Variants in RGS20 observed in about 807,000 individuals in gnomAD.
RGS20 encodes the protein gz-selective GTPase-activating protein.
In RGS20, 30 loss-of-function variants were observed where a neutral mutation model predicts 33.6. The observed-to-expected ratio is 0.89, with a 90% CI of 0.67 to 1.21. The LOEUF is 1.21. Ranked by LOEUF, RGS20 falls within the 50% of genes most tolerant of loss-of-function variation. RGS20 has a pLI of 0.00. For missense variants in RGS20, 472 were observed against 502.4 expected (o/e 0.94, Z 0.58); for synonymous variants, 208 against 197.9 (o/e 1.05, Z -0.43).
intron 1 of RGS20, among the ~76,000 whole-genome samples, chr8:53,870,114 T>C (rs1039703821): frequency 6.6e-6 from 1 of 152,180 alleles, no homozygotes; most frequent in Non-Finnish European, 1.5e-5. Flanking sequence ...ATATAAAGAA[T>C]AAAATATATA....
At chr8:53,927,748 A>G (rs1813845921) in intron 2 of RGS20, among the ~76,000 whole-genome samples, 1 of 152,186 alleles carries the variant, frequency 6.6e-6, no homozygotes, top group Non-Finnish European at 1.5e-5. Context: ...GTTATTTAGA[A>G]AGGACAAATG....
At chr8:53,885,803 T>C (rs1281208387) in intron 2 of RGS20, among the ~76,000 whole-genome samples, 1 of 150,432 alleles carries the variant, frequency 6.6e-6, no homozygotes, top group African/African-American at 2.5e-5. Flanking sequence ...TTTTTTTTTT[T>C]TTTTTTTTTG....
chr8:53,914,448 T>C (rs1296916090), intron 2 of RGS20, among the ~76,000 whole-genome samples: 1 of 152,230 alleles, frequency 6.6e-6, no homozygotes, highest in African/African-American at 2.4e-5. Flanking sequence ...TTCATGTCCC[T>C]GCCCCCAAAC....
At chr8:53,939,004 T>C (rs1234721147) in intron 2 of RGS20, among the ~76,000 whole-genome samples, 1 of 152,274 alleles carries the variant, frequency 6.6e-6, no homozygotes, top group East Asian at 1.9e-4. Flanking sequence ...TCTGAATGCT[T>C]CCACGTCCCA....
intron 1 of RGS20, among the ~76,000 whole-genome samples, chr8:53,878,811 A>G (rs908530747): frequency 6.6e-6 from 1 of 152,208 alleles, no homozygotes; most frequent in Non-Finnish European, 1.5e-5. Context: ...AGGGGGAACA[A>G]GGGAAGACCA....
intron 1 of RGS20, among the ~76,000 whole-genome samples, chr8:53,863,526 G>T (rs941119339): frequency 6.6e-6 from 1 of 152,138 alleles, no homozygotes; most frequent in African/African-American, 2.4e-5. Context: ...AGGCTCAGTT[G>T]TAACTAACTG....
At chr8:53,916,927 C>G (rs1813499466) in intron 2 of RGS20, among the ~76,000 whole-genome samples, 1 of 152,098 alleles carries the variant, frequency 6.6e-6, no homozygotes, top group Non-Finnish European at 1.5e-5. Flanking sequence ...TCTGTGAAGC[C>G]TCTTTCATAA....
intron 1 of RGS20, among the ~76,000 whole-genome samples, chr8:53,867,614 C>T (rs6997050): frequency 0.12 from 18,179 of 152,022 alleles, 2,271 homozygotes; most frequent in East Asian, 0.32. Flanking sequence ...GTATCTAAAA[C>T]ACTGTTTCCA....
intron 1 of RGS20, among the ~76,000 whole-genome samples, chr8:53,865,231 T>C (rs191538885): frequency 1.3e-5 from 2 of 152,350 alleles, no homozygotes; most frequent in Non-Finnish European, 2.9e-5. Flanking sequence ...AATTGAGAGA[T>C]CCGGCCCAGG....
chr8:53,863,135 G>A (rs1811845181), intron 1 of RGS20, among the ~76,000 whole-genome samples: 1 of 152,064 alleles, frequency 6.6e-6, no homozygotes, highest in Non-Finnish European at 1.5e-5. Context: ...TTACAGGCAT[G>A]TGCCACCATG....
At chr8:53,861,184 A>G (rs561675609) in intron 1 of RGS20, among the ~76,000 whole-genome samples, 1 of 152,312 alleles carries the variant, frequency 6.6e-6, no homozygotes, top group East Asian at 1.9e-4. Flanking sequence ...CACGCCTCAG[A>G]GATAATTCTA....
At chr8:53,944,012 C>CAA (rs1212284555) in intron 3 of RGS20, among the ~76,000 whole-genome samples, 1 of 152,026 alleles carries the variant, frequency 6.6e-6, no homozygotes, top group African/African-American at 2.4e-5. Context: ...CACACACACA[C>CAA]ACACACACAC....
intron 2 of RGS20, among the ~76,000 whole-genome samples, chr8:53,911,774 A>C (rs910729348): frequency 1.3e-5 from 2 of 152,060 alleles, no homozygotes. Flanking sequence ...CCCCATCTCT[A>C]CTAAAAATAC....
intron 2 of RGS20, chr8:53,914,892 C>G (rs1308401048): frequency 6.6e-6 from 1 of 152,200 alleles, no homozygotes. Flanking sequence ...TGCCTGTAAT[C>G]CCAGCACTTC....
intron 4 of RGS20, among the ~76,000 whole-genome samples, chr8:53,953,101 G>A (rs1416045886): frequency 1.3e-5 from 2 of 152,212 alleles, no homozygotes; most frequent in Non-Finnish European, 2.9e-5. Flanking sequence ...ATTACCTAAT[G>A]AGTACAATGT....
chr8:53,956,924 G>C (rs1219871007), intron 5 of RGS20, among the ~76,000 whole-genome samples: 1 of 152,172 alleles, frequency 6.6e-6, no homozygotes, highest in Non-Finnish European at 1.5e-5. Flanking sequence ...GAAGCAGGCA[G>C]ATCACCTTGT....
intron 2 of RGS20, among the ~76,000 whole-genome samples, chr8:53,900,620 A>G (rs1812988630): frequency 1.3e-5 from 2 of 152,192 alleles, no homozygotes; most frequent in South Asian, 2.1e-4. Flanking sequence ...TTTCACATAC[A>G]TTCTCTCATT....
Position 53,878,379 on chromosome 8 carries a change from C to T in RGS20, c.166-879C>T, listed in dbSNP as rs559389156. Among the ~76,000 whole-genome samples, 62 of 152,156 alleles carry T rather than the reference C, an allele frequency of 4.1e-4. 1 individual carries two copies. Among genetic ancestry groups the T allele is most frequent in the African/African-American group, 1.3e-3 (54 of 41,494 alleles). On this transcript the variant is annotated intron_variant, in intron 1 of 5. Transcript: ENST00000297313. ...CCAAGGTTAGCCATTAAGTTAGTGG[C>T]AAGGTTGAGTGTAGAACCGTGGGTT...
At chr8:53,922,097 G>C (rs1417281437) in intron 2 of RGS20, among the ~76,000 whole-genome samples, 1 of 151,860 alleles carries the variant, frequency 6.6e-6, no homozygotes, top group African/African-American at 2.4e-5. Context: ...TTGAAAGCAA[G>C]GTATTGAACT....
Sources: gnomAD v4.1 joint callset for allele counts (sites outside exome capture counted in the v4.1 genomes callset) on GRCh38, gnomAD v4.1.1 for gene constraint, MANE v1.5 for transcripts, NCBI Gene and HGNC (gene_info 2026-07-23, HGNC 2026-07-21) for gene names.